TMEM106B: variants seen among roughly 807,000 people sequenced by gnomAD.
The protein encoded by TMEM106B is transmembrane protein 106B.
In TMEM106B, 15 loss-of-function variants were observed where a neutral mutation model predicts 31.1. The observed-to-expected ratio is 0.48, with a 90% CI of 0.32 to 0.74. TMEM106B has a LOEUF of 0.74. TMEM106B is among the 30% of genes least tolerant of loss of function. The pLI is 0.03. For missense variants in TMEM106B, 283 were observed against 327.3 expected (o/e 0.86, Z 1.04); for synonymous variants, 126 against 112.5 (o/e 1.12, Z -0.76).
rs1294582659 is a variant in TMEM106B at position 12,233,866 on chromosome 7, AC to A, written c.*1893del. On this transcript the variant is annotated 3_prime_UTR_variant, in exon 8 of 8. Transcript: ENST00000396668. ...TTTTAATTATGTGACTTCAAAAATCACCTGTATCTGTAGTAGGGCTTCCAAA... is the reference window on the plus strand; with the variant it reads ...TTTTAATTATGTGACTTCAAAAATCACTGTATCTGTAGTAGGGCTTCCAAA... The A allele has an allele frequency of 6.6e-6, 1 of 151,436 alleles. No homozygotes were observed. Among genetic ancestry groups the A allele is most frequent in the Non-Finnish European group, 1.5e-5 (1 of 67,630 alleles). The allele number at this position is 151,436 out of a possible 1,614,324, so 9.4% of individuals were successfully genotyped here.
intron 5 of TMEM106B, 126 bp downstream of exon 5, chr7:12,229,945 A>G: frequency 9.0e-7 from 1 of 1,112,822 alleles, no homozygotes. Flanking sequence ...TGCTGGGTAC[A>G]GTGGCTCATG....
chr7:12,225,331 G>A (rs757963454), intron 4 of TMEM106B, among the ~76,000 whole-genome samples: 6 of 152,098 alleles, frequency 3.9e-5, no homozygotes, highest in Admixed American at 6.6e-5. Flanking sequence ...TAAACATAAC[G>A]TGTTAATGTG....
intron 3 of TMEM106B, among the ~76,000 whole-genome samples, chr7:12,223,609 G>GT (rs1436362257): frequency 6.6e-5 from 10 of 151,940 alleles, no homozygotes; most frequent in African/African-American, 2.4e-4. Context: ...TGAAATGTGC[G>GT]TTTGTATGAA....
chr7:12,233,611 A>C lies in TMEM106B; in HGVS notation c.*1636A>C, dbSNP rs1782072419. On this transcript the variant is annotated 3_prime_UTR_variant, in exon 8 of 8. Transcript: ENST00000396668. ...CTAGTCTTCCCTTAATTCATTGCTA[A>C]CTCAAGCCATCCTTACTATTAAACC... The C allele has an allele frequency of 6.6e-6, 1 of 150,540 alleles. No individual in the cohort carries two copies. The highest frequency in any genetic ancestry group is 2.4e-5 in the African/African-American group (1 of 41,060). 9.3% of individuals were successfully genotyped at this position (150,540 alleles called of 1,614,324 possible). A position where few individuals can be genotyped will look rare whatever the true frequency, so the allele number is the denominator to read the frequency against.
In TMEM106B at chr7:12,214,893, AT is replaced by A. The variant is rs1317458805; in HGVS notation, c.84del (p.Asn28LysfsTer54). On this transcript the variant is annotated frameshift_variant, in exon 2 of 8. Transcript: ENST00000396668. LOFTEE classifies it high-confidence loss of function. ...YDGVTSENMR[N>X]GLVNSEVHNE... ...GGAGTCACATCTGAAAACATGAGGAATGGACTGGTTAATAGTGAAGTCCATA... is the reference window on the plus strand; with the variant it reads ...GGAGTCACATCTGAAAACATGAGGAAGGACTGGTTAATAGTGAAGTCCATA... 1 of 1,613,982 alleles carries A rather than the reference AT, an allele frequency of 6.2e-7. No individual in the cohort carries two copies. The highest frequency in any genetic ancestry group is 8.5e-7 in the Non-Finnish European group (1 of 1,179,990).
At chr7:12,218,151 G>A (rs1781723730) in intron 2 of TMEM106B, among the ~76,000 whole-genome samples, 1 of 151,892 alleles carries the variant, frequency 6.6e-6, no homozygotes. Flanking sequence ...CAGTGAAGCT[G>A]AAGGAAGGCC....
At chr7:12,229,892 A>G (rs1208203321) in intron 5 of TMEM106B, 73 bp downstream of exon 5, 1 of 1,465,820 alleles carries the variant, frequency 6.8e-7, no homozygotes. Flanking sequence ...AACTTGAAGG[A>G]GGTGGGGGAT....
intron 4 of TMEM106B, 43 bp from the exon 5 acceptor site, chr7:12,229,636 A>C: frequency 8.9e-7 from 1 of 1,122,582 alleles, no homozygotes; most frequent in Non-Finnish European, 1.2e-6. Context: ...ATATTTGTAT[A>C]TTTTTAGCTA....
chr7:12,212,179 C>G (rs1052672432), intron 1 of TMEM106B, among the ~76,000 whole-genome samples: 26 of 152,302 alleles, frequency 1.7e-4, no homozygotes, highest in African/African-American at 6.0e-4. Flanking sequence ...AAAACAGGCT[C>G]AAACGGAGAG....
rs572846715 is a variant in TMEM106B at position 12,236,037 on chromosome 7, A to T, written c.*4062A>T. On this transcript the variant is annotated 3_prime_UTR_variant, in exon 8 of 8. Coordinates refer to ENST00000396668, the MANE Select transcript of TMEM106B (RefSeq NM_001134232.2). ...TTTTACATGTTTGAGATGGTGGAGTAAAAAGACTGTTAAACATTTCTTTTA... is the reference window on the plus strand; with the variant it reads ...TTTTACATGTTTGAGATGGTGGAGTTAAAAGACTGTTAAACATTTCTTTTA... 24 of 151,982 alleles carry T rather than the reference A, an allele frequency of 1.6e-4. No homozygotes were observed. Among genetic ancestry groups the T allele is most frequent in the African/African-American group, 5.8e-4 (24 of 41,524 alleles). The allele number at this position is 151,982 out of a possible 1,614,324, so 9.4% of individuals were successfully genotyped here.
intron 2 of TMEM106B, among the ~76,000 whole-genome samples, chr7:12,217,073 A>G (rs1006712564): frequency 3.9e-5 from 6 of 152,178 alleles, no homozygotes; most frequent in African/African-American, 1.4e-4. Context: ...ACAGTTGTAT[A>G]CTGATGAGAA....
At chr7:12,224,544 T>C (rs1285735468) in intron 4 of TMEM106B, among the ~76,000 whole-genome samples, 159 bp downstream of exon 4, 1 of 152,212 alleles carries the variant, frequency 6.6e-6, no homozygotes, top group African/African-American at 2.4e-5. Flanking sequence ...CATTTCTGGT[T>C]CTGCTAAAAA....
In TMEM106B at chr7:12,237,789, G is replaced by A. The variant is rs1782166340; in HGVS notation, c.*5814G>A. ...AGTTCAAGACCAAATTGGTCAACATGGCGAGACCCCATATAAAATATATAC... is the reference window on the plus strand; with the variant it reads ...AGTTCAAGACCAAATTGGTCAACATAGCGAGACCCCATATAAAATATATAC... On this transcript the variant is annotated 3_prime_UTR_variant, in exon 8 of 8. Coordinates refer to ENST00000396668, the MANE Select transcript of TMEM106B (RefSeq NM_001134232.2). 6.9e-6 allele frequency: 1 copy of A among 144,770 alleles called. No homozygotes were observed. Among genetic ancestry groups the A allele is most frequent in the Non-Finnish European group, 1.5e-5 (1 of 67,096 alleles). The allele number at this position is 144,770 out of a possible 1,614,324, so 9.0% of individuals were successfully genotyped here.
At chr7:12,229,931 T>G (rs1781983265) in intron 5 of TMEM106B, 112 bp downstream of exon 5, 1 of 1,227,340 alleles carries the variant, frequency 8.1e-7, no homozygotes, top group Non-Finnish European at 1.1e-6. Context: ...TAGAAATGTG[T>G]CTCTGCTGGG....
chr7:12,228,677 A>G (rs1227806057), intron 4 of TMEM106B, among the ~76,000 whole-genome samples: 1 of 152,054 alleles, frequency 6.6e-6, no homozygotes, highest in Non-Finnish European at 1.5e-5. Context: ...TTTAATGTAT[A>G]TAACTAAATT....
rs895109299 is a variant in TMEM106B, at chr7:12,242,981, T to C, written c.*11006T>C. On this transcript the variant is annotated 3_prime_UTR_variant, in exon 8 of 8. Transcript: ENST00000396668. ...AGAACAGGGAATCTTGGTTATTAAT[T>C]CCTGCAGGACTCAACTACTTATCAC... is the stretch of plus-strand genomic sequence containing the variant. 3 of 152,256 alleles carry C rather than the reference T, an allele frequency of 2.0e-5. No individual in the cohort carries two copies. The highest frequency in any genetic ancestry group is 7.2e-5 in the African/African-American group (3 of 41,580). The allele number at this position is 152,256 out of a possible 1,614,324, so 9.4% of individuals were successfully genotyped here.
rs781220846 is a variant in TMEM106B, at chr7:12,240,586, C to G, written c.*8611C>G. ...ATCTCTGTAGAATAATATGGAAAAA[C>G]GAAAATGAAAAGATGTATTACCTGA... is the stretch of plus-strand genomic sequence containing the variant. On this transcript the variant is annotated 3_prime_UTR_variant, in exon 8 of 8. Coordinates refer to ENST00000396668, the MANE Select transcript of TMEM106B (RefSeq NM_001134232.2). 1 of 151,512 alleles carries G rather than the reference C, an allele frequency of 6.6e-6. No homozygotes were observed. The highest frequency in any genetic ancestry group is 2.1e-4 in the South Asian group (1 of 4,814). 9.4% of individuals were successfully genotyped at this position (151,512 alleles called of 1,614,324 possible).
rs1201732402 is a variant in TMEM106B at position 12,214,951 on chromosome 7, G to C, written c.141G>C (p.Gln47His). The stretch of plus-strand genomic sequence containing the variant: ...ATGGAAGAAATGGAGATGTCTCTCA[G>C]TTTCCATATGTGGAATTTACAGGAA... ...NEDGRNGDVS[Q>H]FPYVEFTGRD... Residue 47 changes from glutamine to histidine, a missense_variant, in exon 2 of 8, where the codon CAG (glutamine) becomes CAC (histidine). Coordinates refer to ENST00000396668, the MANE Select transcript of TMEM106B (RefSeq NM_001134232.2). The C allele has an allele frequency of 1.2e-6, 2 of 1,613,944 alleles. No homozygotes were observed. The highest frequency in any genetic ancestry group is 1.7e-6 in the Non-Finnish European group (2 of 1,179,960).
Position 12,224,251 on chromosome 7 carries a change from T to C in TMEM106B, c.307T>C (p.Phe103Leu). 1 of 1,614,026 alleles carries C rather than the reference T, an allele frequency of 6.2e-7. No homozygotes were observed. Among genetic ancestry groups the C allele is most frequent in the Non-Finnish European group, 8.5e-7 (1 of 1,179,916 alleles). Residue 103 changes from phenylalanine (F) to leucine (L), a missense_variant, in exon 4 of 8, where the codon TTT (phenylalanine) becomes CTT (leucine). Coordinates refer to ENST00000396668, the MANE Select transcript of TMEM106B (RefSeq NM_001134232.2). Reference protein sequence around the residue: ...RTKLYVMASVFVCLLLSGLAV... With the variant: ...RTKLYVMASVLVCLLLSGLAV... ...AAAGCTGTATGTGATGGCTTCTGTG[T>C]TTGTCTGTCTACTCCTTTCTGGATT...
Sources: gnomAD v4.1 joint callset for allele counts (sites outside exome capture counted in the v4.1 genomes callset) on GRCh38, gnomAD v4.1.1 for gene constraint, MANE v1.5 for transcripts, NCBI Gene and HGNC (gene_info 2026-07-23, HGNC 2026-07-21) for gene names.